PROS1: variants seen among roughly 807,000 people sequenced by gnomAD.
PROS1 encodes the protein vitamin K-dependent protein S.
PROS1 carries 29 observed loss-of-function variants against 75.9 expected under a neutral mutation model. That is an observed-to-expected ratio of 0.38 (90% CI 0.28 to 0.52). PROS1 has a LOEUF of 0.52. Among genes scored for constraint, PROS1 ranks in the 20% least tolerant of loss-of-function variants. The pLI is 0.83. For synonymous variants in PROS1, 245 were observed against 280.6 expected (o/e 0.87, Z 1.27); for missense variants, 680 against 810.3 (o/e 0.84, Z 1.95).
intron 10 of PROS1, among the ~76,000 whole-genome samples, chr3:93,890,464 C>T (rs1447114578): frequency 6.6e-6 from 1 of 152,170 alleles, no homozygotes; most frequent in Non-Finnish European, 1.5e-5. Context: ...CCTGTTCTTA[C>T]ACCCTCTCCC....
Position 93,953,032 on chromosome 3 carries a change from G to A in PROS1, c.76+20642C>T, listed in dbSNP as rs555498819. 2.4e-3 allele frequency among the ~76,000 whole-genome samples: 373 copies of A among 152,278 alleles called. 2 individuals are homozygous for A. Among genetic ancestry groups the A allele is most frequent in the African/African-American group, 8.4e-3 (351 of 41,558 alleles). On this transcript the variant is annotated intron_variant, in intron 1 of 14. Coordinates refer to ENST00000394236, the MANE Select transcript of PROS1 (RefSeq NM_000313.4). ...CACCCTCCCAAGACTACATCAGGAA[G>A]AAGTTGAATCCCTTAATAGATCAAT...
intron 1 of PROS1, among the ~76,000 whole-genome samples, chr3:93,957,387 C>G (rs1300848486): frequency 6.6e-6 from 1 of 152,104 alleles, no homozygotes; most frequent in Non-Finnish European, 1.5e-5. Flanking sequence ...TCTGTATTTT[C>G]AAATTAGATT....
intron 1 of PROS1, among the ~76,000 whole-genome samples, chr3:93,932,259 G>A (rs552548243): frequency 1.1e-4 from 17 of 152,238 alleles, no homozygotes; most frequent in Non-Finnish European, 1.8e-4. Flanking sequence ...AAAATTTTCC[G>A]TTTTATATAT....
At chr3:93,908,495 G>A (rs1342909836) in intron 4 of PROS1, among the ~76,000 whole-genome samples, 11 of 152,154 alleles carry the variant, frequency 7.2e-5, no homozygotes, top group Non-Finnish European at 1.5e-5. Context: ...GGGAAAAAAT[G>A]TGTGTGTATG....
chr3:93,909,770 G>T (rs999651910), intron 4 of PROS1, among the ~76,000 whole-genome samples: 1 of 151,996 alleles, frequency 6.6e-6, no homozygotes, highest in Non-Finnish European at 1.5e-5. Flanking sequence ...CCTAGCTAAC[G>T]CCTAATTAAT....
At chr3:93,909,449 A>C (rs556663428) in intron 4 of PROS1, among the ~76,000 whole-genome samples, 2,695 of 151,950 alleles carry the variant, frequency 0.018, 95 homozygotes, top group African/African-American at 0.062. Flanking sequence ...AAAAAAAAAA[A>C]AAAAAACGTA....
At chr3:93,884,628 G>A in intron 12 of PROS1, 100 bp downstream of exon 12, 1 of 1,336,180 alleles carries the variant, frequency 7.5e-7, no homozygotes, top group Non-Finnish European at 1.1e-6. Context: ...TGGGCACACA[G>A]TAGATACTCA....
At chr3:93,883,470 T>A (rs1483890310) in intron 12 of PROS1, among the ~76,000 whole-genome samples, 1 of 151,932 alleles carries the variant, frequency 6.6e-6, no homozygotes, top group Non-Finnish European at 1.5e-5. Flanking sequence ...GGCGCACCCT[T>A]GTAATTCCAG....
intron 3 of PROS1, among the ~76,000 whole-genome samples, chr3:93,911,942 T>G (rs1197681705): frequency 1.3e-5 from 2 of 152,186 alleles, no homozygotes; most frequent in African/African-American, 4.8e-5. Flanking sequence ...ATGGAAGACA[T>G]TTTTAAACCA....
chr3:93,901,285 G>C (rs1486673589), intron 6 of PROS1, among the ~76,000 whole-genome samples: 2 of 152,176 alleles, frequency 1.3e-5, no homozygotes, highest in African/African-American at 4.8e-5. Context: ...ACATGGGAAG[G>C]CTCATCTCTT....
At chr3:93,965,426 G>A (rs1709773357) in intron 1 of PROS1, among the ~76,000 whole-genome samples, 1 of 152,178 alleles carries the variant, frequency 6.6e-6, no homozygotes, top group Non-Finnish European at 1.5e-5. Flanking sequence ...ATGGCTAAGT[G>A]CCCGGGTTTG....
chr3:93,903,205 C>A (rs966736904), intron 6 of PROS1, among the ~76,000 whole-genome samples: 1 of 151,882 alleles, frequency 6.6e-6, no homozygotes, highest in South Asian at 2.1e-4. Flanking sequence ...CTGTTTTATA[C>A]GTTATTACTT....
At position 93,910,666 on chromosome 3, in the gene PROS1, G is replaced by T. The variant is rs375363379; in HGVS notation, c.299C>A (p.Ala100Glu). The change falls in exon 4 of 15, where the codon GCA becomes GAA. Residue 100 changes from alanine (A) to glutamate (E), a missense_variant. By Grantham distance (107) the Ala-to-Glu change is moderately radical (BLOSUM62 -1). Transcript: ENST00000394236. Reference sequence around the variant, plus strand: ...AGGATAAGCATTAGTTGACTGACGTGCAGCAGTGAATAACCCAGTTTGAAA... The same window carrying T: ...AGGATAAGCATTAGTTGACTGACGTTCAGCAGTGAATAACCCAGTTTGAAA... The part of the protein sequence containing the change: ...RSFQTGLFTA[A>E]RQSTNAYPDL... 27 of 1,613,504 alleles carry T rather than the reference G, an allele frequency of 1.7e-5. No individual in the cohort carries two copies. The highest frequency in any genetic ancestry group is 2.3e-5 in the Non-Finnish European group (27 of 1,179,728).
intron 1 of PROS1, among the ~76,000 whole-genome samples, chr3:93,946,520 A>T (rs1182250804): frequency 6.6e-6 from 1 of 152,168 alleles, no homozygotes; most frequent in Non-Finnish European, 1.5e-5. Context: ...CAACCACCTG[A>T]TCTTTGACAA....
At chr3:93,972,061 C>T (rs1709889690) in intron 1 of PROS1, among the ~76,000 whole-genome samples, 1 of 152,010 alleles carries the variant, frequency 6.6e-6, no homozygotes, top group African/African-American at 2.4e-5. Flanking sequence ...ATACACAAAC[C>T]CATATAATTT....
chr3:93,937,561 G>T (rs1265122453), intron 1 of PROS1, among the ~76,000 whole-genome samples: 1 of 151,964 alleles, frequency 6.6e-6, no homozygotes, highest in South Asian at 2.1e-4. Flanking sequence ...TAGAGACAGG[G>T]TTTCACCATG....
At chr3:93,914,833 A>G (rs1708816021) in intron 3 of PROS1, among the ~76,000 whole-genome samples, 1 of 152,158 alleles carries the variant, frequency 6.6e-6, no homozygotes. Flanking sequence ...CACCTCCACC[A>G]GTTCTCCGAA....
At chr3:93,947,480 G>T (rs2107236781) in intron 1 of PROS1, among the ~76,000 whole-genome samples, 1 of 152,222 alleles carries the variant, frequency 6.6e-6, no homozygotes, top group South Asian at 2.1e-4. Context: ...CTGTGGATCT[G>T]GGATGACAAA....
intron 6 of PROS1, among the ~76,000 whole-genome samples, chr3:93,905,206 C>T (rs1708655037): frequency 6.6e-6 from 1 of 152,222 alleles, no homozygotes; most frequent in Admixed American, 6.5e-5. Context: ...CATGCAAAGA[C>T]TTGCATTGAA....
Sources: allele counts gnomAD v4.1 joint callset (sites outside exome capture counted in the v4.1 genomes callset), GRCh38; gene constraint gnomAD v4.1.1; transcripts MANE v1.5; gene names NCBI Gene and HGNC (gene_info 2026-07-23, HGNC 2026-07-21).